Variants in BRSK1 observed in about 807,000 individuals in gnomAD.
The protein encoded by BRSK1 is BR serine/threonine kinase 1, also known as serine/threonine-protein kinase BRSK1.
In BRSK1, 17 loss-of-function variants were observed where a neutral mutation model predicts 86.2. The ratio of observed to expected loss-of-function variants is 0.20; its 90% CI spans 0.14 to 0.30. BRSK1 has a LOEUF of 0.30. Among genes scored for constraint, BRSK1 ranks in the 10% least tolerant of loss-of-function variants. The probability of loss-of-function intolerance (pLI) is 1.00; values close to 1 mark genes in which losing one functional copy is unlikely to be tolerated. For missense variants in BRSK1, 719 were observed against 1,071.9 expected, an observed-to-expected ratio of 0.67 and a Z score of 4.60; for synonymous variants, 464 against 440.1, an observed-to-expected ratio of 1.05 and a Z score of -0.68.
At position 55,287,654 on chromosome 19, in the gene BRSK1, G is replaced by C. The variant is rs550705410; in HGVS notation, c.317+355G>C. The stretch of plus-strand genomic sequence containing the variant: ...GATGCCTCCTGTTTGTAAGGCAAGG[G>C]GCCTAGCAAAGCCCAAAGGATCTTC... On this transcript the variant is annotated intron_variant, in intron 3 of 18. Coordinates refer to ENST00000309383, the MANE Select transcript of BRSK1 (RefSeq NM_032430.2). This position sits in a 1 kb window ranked among gnomAD's most constrained non-coding sequence, Gnocchi z 5.3. 1.3e-5 allele frequency among the ~76,000 whole-genome samples: 2 copies of C among 152,344 alleles called. No individual in the cohort carries two copies. The highest frequency in any genetic ancestry group is 4.8e-5 in the African/African-American group (2 of 41,586).
chr19:55,293,909 C>T (rs2088446024), intron 4 of BRSK1, 108 bp from the exon 5 acceptor site: 1 of 958,408 alleles, frequency 1.0e-6, no homozygotes, highest in Non-Finnish European at 1.5e-6. Flanking sequence ...CTCTCATCCC[C>T]TAAAAATCCA....
In BRSK1 at chr19:55,294,269, G is replaced by A. The variant is rs548024845; in HGVS notation, c.609+22G>A. On this transcript the variant is annotated intron_variant, in intron 6 of 18. Transcript: ENST00000309383. The surrounding 1 kb of genome is among the most constrained non-coding windows in gnomAD (Gnocchi z 4.9). The stretch of plus-strand genomic sequence containing the variant: ...TAAGGTGAGTGAGGGGCGGATAGAG[G>A]GGAGAGGGGTGGAGGCAGCAGTGAG... 18 of 1,614,162 alleles carry A rather than the reference G, an allele frequency of 1.1e-5. No individual in the cohort carries two copies. In the South Asian group the frequency reaches 1.2e-4, roughly 11 times the overall value.
rs774089089 is a variant in BRSK1, at chr19:55,304,609, G to T, written c.1406G>T (p.Gly469Val). Residue 469 changes from glycine to valine, a missense_variant, in exon 14 of 19, where the codon GGC becomes GTC. Transcript: ENST00000309383. This position sits in a 1 kb window ranked among gnomAD's most constrained non-coding sequence, Gnocchi z 5.2. ...GCTGGAGATGAGGCTCGAGGCGGGGGCTCCCCGACTTCCAAAACGCAGACG... is the reference window on the plus strand; with the variant it reads ...GCTGGAGATGAGGCTCGAGGCGGGGTCTCCCCGACTTCCAAAACGCAGACG... Reference protein sequence around the residue: ...PGAGDEARGGGSPTSKTQTLP... With the variant: ...PGAGDEARGGVSPTSKTQTLP... The T allele has an allele frequency of 4.5e-6, 7 of 1,566,964 alleles. No individual in the cohort carries two copies. The highest frequency in any genetic ancestry group is 6.0e-6 in the Non-Finnish European group (7 of 1,158,438).
chr19:55,294,893 C>A lies in BRSK1; in HGVS notation c.678+496C>A, dbSNP rs888790870. Among the ~76,000 whole-genome samples, 2 of 151,992 alleles carry A rather than the reference C, an allele frequency of 1.3e-5. No individual in the cohort carries two copies. Among genetic ancestry groups the A allele is most frequent in the Non-Finnish European group, 2.9e-5 (2 of 68,006 alleles). ...CTTGGCTCACTGCAACCTACGCCGC[C>A]CGGGTTCAAGCTATTCTCCTGCCTC... On this transcript the variant is annotated intron_variant, in intron 7 of 18. Transcript: ENST00000309383. This position sits in a 1 kb window ranked among gnomAD's most constrained non-coding sequence, Gnocchi z 4.9.
rs2122930616 is a variant in BRSK1, at chr19:55,287,386, G to A, written c.317+87G>A. On this transcript the variant is annotated intron_variant, in intron 3 of 18. Coordinates refer to ENST00000309383, the MANE Select transcript of BRSK1 (RefSeq NM_032430.2). This position sits in a 1 kb window ranked among gnomAD's most constrained non-coding sequence, Gnocchi z 5.3. Reference sequence around the variant, plus strand: ...CTTCTCCAGAAACAGGGCCTAGGGGGACCTGGGGGACCTGCAGCTCTCCAG... The same window carrying A: ...CTTCTCCAGAAACAGGGCCTAGGGGAACCTGGGGGACCTGCAGCTCTCCAG... The A allele has an allele frequency of 1.6e-6, 2 of 1,229,092 alleles. No individual in the cohort carries two copies. Among genetic ancestry groups the A allele is most frequent in the Non-Finnish European group, 2.4e-6 (2 of 843,986 alleles). The allele number at this position is 1,229,092 out of a possible 1,614,324, so 76.1% of individuals were successfully genotyped here.
Position 55,294,500 on chromosome 19 carries a change from G to C in BRSK1, c.678+103G>C. The C allele has an allele frequency of 7.4e-7, 1 of 1,348,398 alleles. No individual in the cohort carries two copies. The highest frequency in any genetic ancestry group is 1.0e-6 in the Non-Finnish European group (1 of 980,848). The allele number at this position is 1,348,398 out of a possible 1,614,324, so 83.5% of individuals were successfully genotyped here. ...CAGGTCATCTCCTGAATTTATTTAT[G>C]AATTTTATTTATTTATTTTGAGACA... On this transcript the variant is annotated intron_variant, in intron 7 of 18. Transcript: ENST00000309383. The surrounding 1 kb of genome is among the most constrained non-coding windows in gnomAD (Gnocchi z 4.9).
intron 18 of BRSK1, among the ~76,000 whole-genome samples, chr19:55,309,285 ATG>A (rs1439996858): frequency 6.6e-6 from 1 of 152,074 alleles, no homozygotes; most frequent in Non-Finnish European, 1.5e-5. Context: ...GTTCATGGGA[ATG>A]TGCAAGATCT....
In BRSK1 at chr19:55,305,506, AAAG is replaced by A. The variant is rs1328977825; in HGVS notation, c.1816_1818del (p.Glu606del). The A allele has an allele frequency of 1.9e-6, 3 of 1,614,074 alleles. No homozygotes were observed. The highest frequency in any genetic ancestry group is 2.5e-6 in the Non-Finnish European group (3 of 1,180,038). On this transcript the variant is annotated inframe_deletion, in exon 16 of 19. Coordinates refer to ENST00000309383, the MANE Select transcript of BRSK1 (RefSeq NM_032430.2). Reference sequence around the variant, plus strand: ...GTTCGGGAACTTCATCTCCTTGGACAAAGAAGAACAAATATTCCTCGTGCTAAA... The same window carrying A: ...GTTCGGGAACTTCATCTCCTTGGACAAAGAACAAATATTCCTCGTGCTAAA...
intron 18 of BRSK1, 115 bp from the exon 19 acceptor site, chr19:55,311,796 A>G: frequency 9.2e-7 from 1 of 1,086,582 alleles, no homozygotes; most frequent in African/African-American, 1.6e-5. Context: ...GATTGGAGCT[A>G]GAGCCTCGGG....
chr19:55,284,492 T>TCCCCCCCCCCCCCCCCCCCC lies in BRSK1; in HGVS notation c.55_56insCCCCCCCCCCCCCCCCCCCC (p.His19ProfsTer54). On this transcript the variant is annotated frameshift_variant, in exon 1 of 19. Transcript: ENST00000309383. LOFTEE classifies it high-confidence loss of function. ...GGTGGGGGCTCTCCCGCCTACCACC[T>TCCCCCCCCCCCCCCCCCCCC]CCCCCACCCCCACCCCCACCCACCC... 2.6e-6 allele frequency: 2 copies of TCCCCCCCCCCCCCCCCCCCC among 776,248 alleles called. No homozygotes were observed. Among genetic ancestry groups the TCCCCCCCCCCCCCCCCCCCC allele is most frequent in the Non-Finnish European group, 3.7e-6 (2 of 546,158 alleles). The allele number at this position is 776,248 out of a possible 1,614,324, so 48.1% of individuals were successfully genotyped here. A position where few individuals can be genotyped will look rare whatever the true frequency, so the allele number is the denominator to read the frequency against.
Position 55,305,477 on chromosome 19 carries a change from C to G in BRSK1, c.1781C>G (p.Ser594Cys), listed in dbSNP as rs564628816. 1 of 1,614,208 alleles carries G rather than the reference C, an allele frequency of 6.2e-7. No individual in the cohort carries two copies. The highest frequency in any genetic ancestry group is 1.3e-5 in the African/African-American group (1 of 75,052). ...CTCCCACTCAGGCTGGCAAAACGCTCCTGGTTCGGGAACTTCATCTCCTTG... is the reference window on the plus strand; with the variant it reads ...CTCCCACTCAGGCTGGCAAAACGCTGCTGGTTCGGGAACTTCATCTCCTTG... ...PESSPELAKR[S>C]WFGNFISLDK... is the part of the protein sequence containing the mutation. Residue 594 changes from serine to cysteine, a missense_variant, in exon 16 of 19, where the codon TCC becomes TGC. This residue lies in a region of BRSK1 where 180 missense variants were observed against 259.4 expected (regional missense o/e 0.69). Transcript: ENST00000309383.
rs779418114 is a variant in BRSK1 at position 55,287,282 on chromosome 19, C to T, written c.300C>T (p.Tyr100=). 6.6e-5 allele frequency: 106 copies of T among 1,613,896 alleles called. 1 individual carries two copies. The East Asian group carries it at 1.4e-3, about 21-fold the overall frequency. ...ATGTCCTCAAGCTCCACGACGTCTA[C>T]GAGAACAAGAAATATTTGTAGGTAT... is the stretch of plus-strand genomic sequence containing the variant. ...HPHVLKLHDV[Y]ENKKYLYLVL... The change falls in exon 3 of 19, where the codon TAC becomes TAT. Residue 100 remains tyrosine (Y), a synonymous_variant. Transcript: ENST00000309383. The surrounding 1 kb of genome is among the most constrained non-coding windows in gnomAD (Gnocchi z 5.3).
chr19:55,301,640 G>A lies in BRSK1; in HGVS notation c.807G>A (p.Glu269=), dbSNP rs1001674791. Residue 269 remains glutamate, a synonymous_variant, in exon 8 of 19, where the codon GAG becomes GAA. Coordinates refer to ENST00000309383, the MANE Select transcript of BRSK1 (RefSeq NM_032430.2). ...TCCTGAGGGGAATGATCGAAGTGGAGCCCGAAAAAAGGCTCAGTGTGAGTT... is the reference window on the plus strand; with the variant it reads ...TCCTGAGGGGAATGATCGAAGTGGAACCCGAAAAAAGGCTCAGTGTGAGTT... ...QSLLRGMIEV[E]PEKRLSLEQI... The A allele has an allele frequency of 6.2e-7, 1 of 1,612,650 alleles. No individual in the cohort carries two copies. The highest frequency in any genetic ancestry group is 1.7e-4 in the Middle Eastern group (1 of 6,050).
At position 55,287,193 on chromosome 19, in the gene BRSK1, C is replaced by G; in HGVS notation, c.232-21C>G. 2 of 1,613,854 alleles carry G rather than the reference C, an allele frequency of 1.2e-6. No homozygotes were observed. Among genetic ancestry groups the G allele is most frequent in the Non-Finnish European group, 1.7e-6 (2 of 1,179,804 alleles). Reference sequence around the variant, plus strand: ...CCGTGCTGACCTCTTTTCCCGTGTCCCCACCCCTCTTGACCCTCAGGTGGA... The same window carrying G: ...CCGTGCTGACCTCTTTTCCCGTGTCGCCACCCCTCTTGACCCTCAGGTGGA... On this transcript the variant is annotated intron_variant, in intron 2 of 18. Transcript: ENST00000309383. The surrounding 1 kb of genome is among the most constrained non-coding windows in gnomAD (Gnocchi z 5.3).
At chr19:55,290,833 G>A (rs1325169411) in intron 4 of BRSK1, among the ~76,000 whole-genome samples, 3 of 151,886 alleles carry the variant, frequency 2.0e-5, no homozygotes, top group Admixed American at 6.6e-5. Flanking sequence ...AGTAGACACG[G>A]GGTTTCACCA....
In BRSK1 at chr19:55,303,436, C is replaced by T. The variant is rs778467515; in HGVS notation, c.1126+28C>T. 22 of 1,602,924 alleles carry T rather than the reference C, an allele frequency of 1.4e-5. No homozygotes were observed. The East Asian group carries it at 3.8e-4, about 28-fold the overall frequency. ...GAGAAGGCAGGGCTAGGGGACCAGA[C>T]ACCTGGGTCTCGAGATTGGAAGAGG... On this transcript the variant is annotated intron_variant, in intron 11 of 18. Coordinates refer to ENST00000309383, the MANE Select transcript of BRSK1 (RefSeq NM_032430.2). This position sits in a 1 kb window ranked among gnomAD's most constrained non-coding sequence, Gnocchi z 5.1.
chr19:55,308,052 G>A (rs974340788), intron 17 of BRSK1, among the ~76,000 whole-genome samples: 1 of 138,758 alleles, frequency 7.2e-6, no homozygotes, highest in African/African-American at 2.7e-5. Flanking sequence ...ACAGAGTCTT[G>A]CTCTGTCGTC....
chr19:55,308,789 G>A, intron 18 of BRSK1, 61 bp downstream of exon 18: 1 of 142,586 alleles, frequency 7.0e-6, no homozygotes, highest in Non-Finnish European at 1.2e-5. Flanking sequence ...GGTGGCGGGG[G>A]GCGTGGGTGG....
Position 55,301,437 on chromosome 19 carries a change from CGTAGTTCCCCA to C in BRSK1, c.679-74_679-64del. 7 of 1,534,878 alleles carry C rather than the reference CGTAGTTCCCCA, an allele frequency of 4.6e-6. No individual in the cohort carries two copies. The East Asian group carries it at 1.6e-4, about 35-fold the overall frequency. On this transcript the variant is annotated intron_variant, in intron 7 of 18. Transcript: ENST00000309383. ...TCCAACCCCTTAAGGTGGAGATCAC[CGTAGTTCCCCA>C]CCTCCAGTGCTTGTGGTGAGGGTGA...
Sources: gnomAD v4.1 joint callset for allele counts (sites outside exome capture counted in the v4.1 genomes callset) on GRCh38, gnomAD v4.1.1 for gene constraint, gnomAD v4.1.1 regional missense constraint, Gnocchi (gnomAD v3.1) non-coding constraint, MANE v1.5 for transcripts, NCBI Gene and HGNC (gene_info 2026-07-23, HGNC 2026-07-21) for gene names.